The following KCNIP3 variants were observed in gnomAD, a reference collection of about 807,000 sequenced individuals.
KCNIP3 encodes the protein potassium voltage-gated channel interacting protein 3.
KCNIP3 carries 28 observed loss-of-function variants against 35.0 expected under a neutral mutation model. The ratio of observed to expected loss-of-function variants is 0.80; its 90% CI spans 0.59 to 1.10. The LOEUF is 1.10. Ranked by LOEUF, KCNIP3 falls within the 50% of genes least tolerant of loss-of-function variation. The pLI, the probability that KCNIP3 is intolerant of heterozygous loss-of-function variation, is 0.00. For missense variants in KCNIP3, 295 were observed against 338.4 expected (o/e 0.87, Z 1.01); for synonymous variants, 134 against 133.8 (o/e 1.00, Z -0.01).
intron 2 of KCNIP3, among the ~76,000 whole-genome samples, chr2:95,315,192 C>T (rs1335161159): frequency 6.6e-6 from 1 of 152,166 alleles, no homozygotes; most frequent in Non-Finnish European, 1.5e-5. Flanking sequence ...GACCATCACT[C>T]CCATGAGGAT....
At position 95,378,623 on chromosome 2, in the gene KCNIP3, A is replaced by G. The variant is rs1202211379; in HGVS notation, c.448-2973A>G. Among the ~76,000 whole-genome samples the G allele has an allele frequency of 4.6e-5, 7 of 151,304 alleles. No homozygotes were observed. Among genetic ancestry groups the G allele is most frequent in the Admixed American group, 2.0e-4 (3 of 15,210 alleles). On this transcript the variant is annotated intron_variant, in intron 5 of 8. Transcript: ENST00000295225. This position sits in a 1 kb window ranked among gnomAD's most constrained non-coding sequence, Gnocchi z 4.0. Reference sequence around the variant, plus strand: ...TAGCTGGGCATGGTGGCGGGTGCCTATAATTCCAGCTGCTTGGGAGGCTGA... The same window carrying G: ...TAGCTGGGCATGGTGGCGGGTGCCTGTAATTCCAGCTGCTTGGGAGGCTGA...
chr2:95,346,887 C>T (rs1180270933), intron 2 of KCNIP3: 5 of 374,394 alleles, frequency 1.3e-5, no homozygotes, highest in Non-Finnish European at 2.2e-5. Context: ...CCAGCAGCCC[C>T]GCCTGCCGGG....
intron 2 of KCNIP3, among the ~76,000 whole-genome samples, chr2:95,315,028 G>A (rs1187920728): frequency 2.6e-5 from 4 of 152,190 alleles, no homozygotes; most frequent in Admixed American, 1.3e-4. Context: ...GGCACAGGAC[G>A]GGGACGGGAG....
At chr2:95,307,838 C>G (rs895037484) in intron 1 of KCNIP3, among the ~76,000 whole-genome samples, 1 of 152,194 alleles carries the variant, frequency 6.6e-6, no homozygotes, top group Non-Finnish European at 1.5e-5. Flanking sequence ...CTCTGCTCAC[C>G]CCCCACGCAG....
At chr2:95,311,544 T>G (rs1038647806) in intron 2 of KCNIP3, 4 of 152,184 alleles carry the variant, frequency 2.6e-5, no homozygotes, top group African/African-American at 4.8e-5. Flanking sequence ...ATGGGGGTCA[T>G]GAGTGGAGGG....
chr2:95,323,293 CAG>C (rs1244231858), intron 2 of KCNIP3, among the ~76,000 whole-genome samples: 2 of 152,160 alleles, frequency 1.3e-5, no homozygotes, highest in African/African-American at 4.8e-5. Flanking sequence ...CTCTGGGGTG[CAG>C]GAGGTTGGGA....
rs1250846613 is a variant in KCNIP3, at chr2:95,385,942, G to GCAGA, written c.*1894_*1895insAGAC. On this transcript the variant is annotated 3_prime_UTR_variant, in exon 9 of 9. Transcript: ENST00000295225. ...CAACCAGGAGGGGTCTGCCTCCCACGCTGGGACACAGACCGGCCGCATGTC... is the reference window on the plus strand; with the variant it reads ...CAACCAGGAGGGGTCTGCCTCCCACGCAGACTGGGACACAGACCGGCCGCATGTC... The GCAGA allele has an allele frequency of 6.6e-6, 1 of 152,450 alleles. No homozygotes were observed. Among genetic ancestry groups the GCAGA allele is most frequent in the Non-Finnish European group, 1.5e-5 (1 of 68,088 alleles). 9.4% of individuals were successfully genotyped at this position (152,450 alleles called of 1,614,324 possible). A position where few individuals can be genotyped will look rare whatever the true frequency, so the allele number is the denominator to read the frequency against.
chr2:95,375,231 C>A (rs778488652), intron 5 of KCNIP3, 23 bp downstream of exon 5: 2 of 1,607,470 alleles, frequency 1.2e-6, no homozygotes, highest in Admixed American at 3.3e-5. Context: ...GGATTCCTCC[C>A]ACGTGTCCTG....
At chr2:95,379,934 G>A (rs868061754) in intron 5 of KCNIP3, among the ~76,000 whole-genome samples, 4 of 152,180 alleles carry the variant, frequency 2.6e-5, no homozygotes, top group African/African-American at 4.8e-5. Flanking sequence ...ATTGTGCCAA[G>A]CCTTGGTGGA....
chr2:95,381,679 C>T lies in KCNIP3; in HGVS notation c.531C>T (p.Asn177=), dbSNP rs1160666456. Residue 177 remains asparagine (N), a synonymous_variant, in exon 6 of 9, where the codon AAC becomes AAT. Transcript: ENST00000295225. ...GGGCCTTTAATCTCTACGACATTAA[C>T]AAGGATGGCTACATCACCAAAGAGG... The part of the protein sequence containing the change: ...LKWAFNLYDI[N]KDGYITKEEM... 45 of 1,613,528 alleles carry T rather than the reference C, an allele frequency of 2.8e-5. No homozygotes were observed. The highest frequency in any genetic ancestry group is 3.8e-5 in the Non-Finnish European group (45 of 1,179,566).
At chr2:95,305,853 C>A (rs772107147) in intron 1 of KCNIP3, among the ~76,000 whole-genome samples, 1 of 152,174 alleles carries the variant, frequency 6.6e-6, no homozygotes, top group Non-Finnish European at 1.5e-5. Context: ...TCCAGAATTC[C>A]GTGGTATGGA....
intron 2 of KCNIP3, among the ~76,000 whole-genome samples, chr2:95,365,165 T>A (rs796522563): frequency 4.7e-5 from 7 of 149,394 alleles, no homozygotes; most frequent in African/African-American, 1.7e-4. Context: ...TGTCTTTTTT[T>A]TTTTTTTTTT....
chr2:95,302,820 C>T (rs960989068), intron 1 of KCNIP3, among the ~76,000 whole-genome samples: 1 of 152,180 alleles, frequency 6.6e-6, no homozygotes, highest in African/African-American at 2.4e-5. Flanking sequence ...TCCTGCCCTG[C>T]CCCCAACTAG....
At chr2:95,355,588 A>G (rs1260798456) in intron 2 of KCNIP3, among the ~76,000 whole-genome samples, 3 of 152,172 alleles carry the variant, frequency 2.0e-5, no homozygotes, top group Admixed American at 6.5e-5. Context: ...GAGTGAGAAC[A>G]TGCGGTGTTT....
chr2:95,300,821 C>T (rs1483941321), intron 1 of KCNIP3, among the ~76,000 whole-genome samples: 1 of 152,210 alleles, frequency 6.6e-6, no homozygotes, highest in Non-Finnish European at 1.5e-5. Flanking sequence ...TAGAGTCGGC[C>T]CAGCCTCCCC....
chr2:95,338,322 G>A (rs1317003894), intron 2 of KCNIP3, among the ~76,000 whole-genome samples: 2 of 152,182 alleles, frequency 1.3e-5, no homozygotes, highest in Admixed American at 1.3e-4. Flanking sequence ...ACTTAAATGA[G>A]ACGAGTTTAG....
intron 2 of KCNIP3, among the ~76,000 whole-genome samples, chr2:95,318,551 G>T (rs1678514204): frequency 6.6e-6 from 1 of 152,168 alleles, no homozygotes; most frequent in Admixed American, 6.5e-5. Context: ...CCAGGCCTGT[G>T]GGGAACCGGG....
At chr2:95,329,180 C>T (rs947795880) in intron 2 of KCNIP3, among the ~76,000 whole-genome samples, 2 of 151,588 alleles carry the variant, frequency 1.3e-5, no homozygotes, top group African/African-American at 4.9e-5. Flanking sequence ...AGGAGTACTC[C>T]GTGCACAGTA....
chr2:95,363,245 T>C (rs578030968), intron 2 of KCNIP3, among the ~76,000 whole-genome samples: 36 of 152,242 alleles, frequency 2.4e-4, no homozygotes, highest in Non-Finnish European at 4.3e-4. Flanking sequence ...CTCTATCATT[T>C]ACCATTCACA....
Sources: gnomAD v4.1 joint callset for allele counts (sites outside exome capture counted in the v4.1 genomes callset) on GRCh38, gnomAD v4.1.1 for gene constraint, Gnocchi (gnomAD v3.1) non-coding constraint, MANE v1.5 for transcripts, NCBI Gene and HGNC (gene_info 2026-07-23, HGNC 2026-07-21) for gene names.